Variants in CNTNAP5 observed in about 807,000 individuals in gnomAD.
CNTNAP5 encodes the protein contactin associated protein family member 5, also known as contactin-associated protein-like 5.
A neutral mutation model predicts 150.2 loss-of-function variants in CNTNAP5; 72 were observed. That is an observed-to-expected ratio of 0.48 (90% CI 0.40 to 0.58). The LOEUF (loss-of-function observed/expected upper bound fraction) is 0.58, where lower values mean the gene tolerates loss of function less well. Among genes scored for constraint, CNTNAP5 ranks in the 20% least tolerant of loss-of-function variants. The pLI is 0.00. For missense variants in CNTNAP5, 1,636 were observed against 1,626.2 expected, an observed-to-expected ratio of 1.01 and a Z score of -0.10; for synonymous variants, 672 against 619.8, an observed-to-expected ratio of 1.08 and a Z score of -1.25.
chr2:124,260,195 A>G (rs1573873443), intron 3 of CNTNAP5, among the ~76,000 whole-genome samples: 1 of 152,084 alleles, frequency 6.6e-6, no homozygotes, highest in African/African-American at 2.4e-5. Flanking sequence ...ACAGAACAGA[A>G]CCCTCAGAAA....
intron 1 of CNTNAP5, chr2:124,135,212 C>T (rs891393628): frequency 3.3e-5 from 5 of 152,186 alleles, no homozygotes; most frequent in African/African-American, 9.7e-5. Context: ...TTTTATGAAG[C>T]GTTATCATTT....
chr2:124,110,910 G>A (rs1339587867), intron 1 of CNTNAP5, among the ~76,000 whole-genome samples: 2 of 152,174 alleles, frequency 1.3e-5, no homozygotes, highest in Non-Finnish European at 2.9e-5. Flanking sequence ...ACGGGGAGCT[G>A]AGGCACAGAG....
intron 6 of CNTNAP5, among the ~76,000 whole-genome samples, chr2:124,449,363 C>T (rs576993364): frequency 6.6e-6 from 1 of 151,738 alleles, no homozygotes; most frequent in East Asian, 1.9e-4. Context: ...ACAACAACAA[C>T]AGCAAAAAAA....
intron 3 of CNTNAP5, among the ~76,000 whole-genome samples, chr2:124,390,084 A>G (rs996066467): frequency 1.3e-5 from 2 of 152,172 alleles, no homozygotes; most frequent in Non-Finnish European, 2.9e-5. Context: ...CTGAAGTATG[A>G]GTGTCCCCAA....
At chr2:124,349,551 C>T (rs1357829737) in intron 3 of CNTNAP5, among the ~76,000 whole-genome samples, 1 of 152,076 alleles carries the variant, frequency 6.6e-6, no homozygotes, top group Non-Finnish European at 1.5e-5. Context: ...TTGCTTGAGT[C>T]CCGTATATAG....
intron 6 of CNTNAP5, among the ~76,000 whole-genome samples, chr2:124,468,131 T>C (rs185207302): frequency 2.4e-4 from 37 of 152,242 alleles, no homozygotes; most frequent in African/African-American, 7.9e-4. Flanking sequence ...TGCCTTAGTG[T>C]ACTAACCAGG....
chr2:124,274,573 T>C (rs1687840847), intron 3 of CNTNAP5, among the ~76,000 whole-genome samples: 1 of 152,086 alleles, frequency 6.6e-6, no homozygotes, highest in South Asian at 2.1e-4. Flanking sequence ...TTAGAAAGCA[T>C]AGGGTTTTTA....
chr2:124,233,041 G>GTTTTTTTTT (rs10716079), intron 2 of CNTNAP5, among the ~76,000 whole-genome samples: 1 of 145,372 alleles, frequency 6.9e-6, no homozygotes, highest in Non-Finnish European at 1.5e-5. Flanking sequence ...GTATCTGTGG[G>GTTTTTTTTT]TTTTTTTTTT....
intron 1 of CNTNAP5, among the ~76,000 whole-genome samples, chr2:124,111,906 C>T (rs563050710): frequency 6.6e-6 from 1 of 152,172 alleles, no homozygotes; most frequent in Non-Finnish European, 1.5e-5. Flanking sequence ...CACACTGCTA[C>T]GGTACTGGTC....
chr2:124,348,072 C>T (rs908640023), intron 3 of CNTNAP5, among the ~76,000 whole-genome samples: 8 of 152,034 alleles, frequency 5.3e-5, no homozygotes, highest in Non-Finnish European at 1.2e-4. Flanking sequence ...CCTAGTGAGC[C>T]GCCCGCGTCG....
At chr2:124,578,035 C>A (rs1696329412) in intron 11 of CNTNAP5, among the ~76,000 whole-genome samples, 1 of 151,454 alleles carries the variant, frequency 6.6e-6, no homozygotes, top group Admixed American at 6.6e-5. Context: ...CATGGCCGGG[C>A]ACGGTGGCTC....
chr2:124,195,725 C>A (rs978254207), intron 1 of CNTNAP5, among the ~76,000 whole-genome samples: 18 of 152,038 alleles, frequency 1.2e-4, no homozygotes, highest in Non-Finnish European at 2.5e-4. Flanking sequence ...ATGGAGTGAT[C>A]AAACAGAGAC....
chr2:124,376,759 T>C (rs1356406952), intron 3 of CNTNAP5, among the ~76,000 whole-genome samples: 1 of 152,122 alleles, frequency 6.6e-6, no homozygotes, highest in Non-Finnish European at 1.5e-5. Context: ...AGATATTTAC[T>C]GTCCTGTGAG....
At chr2:124,039,477 A>G (rs199596130) in intron 1 of CNTNAP5, among the ~76,000 whole-genome samples, 1 of 152,282 alleles carries the variant, frequency 6.6e-6, no homozygotes, top group East Asian at 1.9e-4. Flanking sequence ...CTGTCTCCCA[A>G]CATCTGTGAA....
At chr2:124,411,855 C>A (rs76768090) in intron 3 of CNTNAP5, among the ~76,000 whole-genome samples, 22,754 of 67,180 alleles carry the variant, frequency 0.34, 4,465 homozygotes, top group African/African-American at 0.52. Context: ...TCCTATTCAA[C>A]ATAGTGTTGG....
At chr2:124,261,242 T>C (rs906497970) in intron 3 of CNTNAP5, among the ~76,000 whole-genome samples, 1 of 152,160 alleles carries the variant, frequency 6.6e-6, no homozygotes, top group African/African-American at 2.4e-5. Context: ...CATTTAAATA[T>C]AGAGATATCT....
At chr2:124,297,947 C>A (rs1342146325) in intron 3 of CNTNAP5, among the ~76,000 whole-genome samples, 3 of 151,596 alleles carry the variant, frequency 2.0e-5, no homozygotes, top group African/African-American at 4.8e-5. Flanking sequence ...CGGGTTCAAG[C>A]GATTCTCCTG....
At chr2:124,213,329 G>T (rs2104728119) in intron 1 of CNTNAP5, among the ~76,000 whole-genome samples, 1 of 152,270 alleles carries the variant, frequency 6.6e-6, no homozygotes, top group Middle Eastern at 3.4e-3. Flanking sequence ...AAAGACCATT[G>T]CAAAAATCAT....
intron 8 of CNTNAP5, among the ~76,000 whole-genome samples, chr2:124,517,353 T>G (rs111893317): frequency 0.013 from 2,016 of 150,098 alleles, 46 homozygotes; most frequent in African/African-American, 0.047. Flanking sequence ...AGGGTTATAG[T>G]GTTGGTGATG....
Sources: gnomAD v4.1 joint callset for allele counts (sites outside exome capture counted in the v4.1 genomes callset) on GRCh38, gnomAD v4.1.1 for gene constraint, MANE v1.5 for transcripts, NCBI Gene and HGNC (gene_info 2026-07-23, HGNC 2026-07-21) for gene names.